Variants in LMF1 observed in about 807,000 individuals in gnomAD.
LMF1 encodes the protein transmembrane protein 112.
LMF1 carries 68 observed loss-of-function variants against 60.6 expected under a neutral mutation model. The observed-to-expected ratio is 1.12, with a 90% CI of 0.92 to 1.37. The LOEUF is 1.37. Among genes scored for constraint, LMF1 ranks in the 40% most tolerant of loss-of-function variants. LMF1 has a pLI of 0.00. For missense variants in LMF1, 948 were observed against 767.2 expected (o/e 1.24, Z -2.78); for synonymous variants, 418 against 324.7 (o/e 1.29, Z -3.09).
chr16:878,948 C>T lies in LMF1; in HGVS notation c.897+622G>A, dbSNP rs1414490567. 6.6e-6 allele frequency among the ~76,000 whole-genome samples: 1 copy of T among 152,194 alleles called. No homozygotes were observed. The highest frequency in any genetic ancestry group is 1.5e-5 in the Non-Finnish European group (1 of 68,032). ...ATTGACAGTCGGAATGTAGCGTTTA[C>T]AGGGAAAAGCAAAGGCTCGGGACTG... On this transcript the variant is annotated intron_variant, in intron 6 of 10. Coordinates refer to ENST00000262301, the MANE Select transcript of LMF1 (RefSeq NM_022773.4). This position sits in a 1 kb window ranked among gnomAD's most constrained non-coding sequence, Gnocchi z 5.2.
chr16:974,813 T>C (rs2073104883), upstream of LMF1, among the ~76,000 whole-genome samples: 1 of 152,232 alleles, frequency 6.6e-6, no homozygotes, highest in Non-Finnish European at 1.5e-5. Flanking sequence ...GTCCCTGGCA[T>C]GCGGTGGCAG....
upstream of LMF1, among the ~76,000 whole-genome samples, chr16:975,506 GTT>G (rs1242347703): frequency 4.6e-5 from 7 of 152,324 alleles, no homozygotes; most frequent in East Asian, 1.4e-3. Flanking sequence ...AGAGCCCACC[GTT>G]GTGTGTCGCC....
At chr16:957,033 G>A (rs764827315) in intron 1 of LMF1, among the ~76,000 whole-genome samples, 3 of 151,272 alleles carry the variant, frequency 2.0e-5, no homozygotes, top group African/African-American at 4.9e-5. Flanking sequence ...GGTGCACCCC[G>A]GTAGTCCCAC....
At chr16:967,691 G>T (rs924201688) in intron 1 of LMF1, among the ~76,000 whole-genome samples, 3 of 152,252 alleles carry the variant, frequency 2.0e-5, no homozygotes, top group Non-Finnish European at 2.9e-5. Context: ...GGTCCTCCCA[G>T]GAGCCGTCAC....
chr16:948,870 C>T (rs2072339502), intron 2 of LMF1, among the ~76,000 whole-genome samples: 1 of 79,250 alleles, frequency 1.3e-5, no homozygotes, highest in Non-Finnish European at 2.3e-5. Context: ...ACGACAGAGT[C>T]AGAGCCAATG....
chr16:914,583 TC>T (rs2071221743), intron 3 of LMF1, among the ~76,000 whole-genome samples: 1 of 964 alleles, frequency 1.0e-3, no homozygotes, highest in African/African-American at 3.3e-3. Flanking sequence ...TTCCCTCCCT[TC>T]CCATGACCAC....
chr16:943,314 T>C (rs1258402619), intron 2 of LMF1, among the ~76,000 whole-genome samples: 1 of 143,826 alleles, frequency 7.0e-6, no homozygotes, highest in African/African-American at 2.6e-5. Flanking sequence ...GAGCTTGCAG[T>C]GAGCCGAGAT....
intron 3 of LMF1, among the ~76,000 whole-genome samples, chr16:914,492 ACGCT>A (rs1190130712): frequency 6.8e-6 from 1 of 147,678 alleles, no homozygotes; most frequent in Non-Finnish European, 1.5e-5. Context: ...AAAACCAGAC[ACGCT>A]CCCTCCCTCC....
chr16:954,669 G>A lies in LMF1; in HGVS notation c.194-3C>T, dbSNP rs747388806. 15 of 1,580,682 alleles carry A rather than the reference G, an allele frequency of 9.5e-6. No individual in the cohort carries two copies. The highest frequency in any genetic ancestry group is 3.5e-5 in the South Asian group (3 of 86,442). On this transcript the variant is annotated splice_polypyrimidine_tract_variant and splice_region_variant and intron_variant, in intron 1 of 10. Transcript: ENST00000262301. ...GAAAGCCACCAGGAATGCCACGACTGGAAGAAAAAGAAGACAAAACAAGCA... is the reference window on the plus strand; with the variant it reads ...GAAAGCCACCAGGAATGCCACGACTAGAAGAAAAAGAAGACAAAACAAGCA...
intron 4 of LMF1, among the ~76,000 whole-genome samples, chr16:906,108 C>G (rs376843268): frequency 2.0e-5 from 3 of 152,224 alleles, no homozygotes; most frequent in African/African-American, 7.2e-5. Flanking sequence ...ACTTCCAGCA[C>G]CAACTGGTGC....
rs771058809 is a variant in LMF1 at position 874,819 on chromosome 16, C to T, written c.898-3478G>A. Among the ~76,000 whole-genome samples, 8 of 152,102 alleles carry T rather than the reference C, an allele frequency of 5.3e-5. No homozygotes were observed. The highest frequency in any genetic ancestry group is 2.6e-4 in the Admixed American group (4 of 15,302). ...CTCAGGGCACTCGGCTGTCACAGCG[C>T]GGCACAGGGGAGTACGCAGCCCCAG... On this transcript the variant is annotated intron_variant, in intron 6 of 10. Coordinates refer to ENST00000262301, the MANE Select transcript of LMF1 (RefSeq NM_022773.4). The surrounding 1 kb of genome is among the most constrained non-coding windows in gnomAD (Gnocchi z 4.1).
In LMF1 at chr16:935,567, G is replaced by A. The variant is rs1042117435; in HGVS notation, c.504-1313C>T. On this transcript the variant is annotated intron_variant, in intron 2 of 10. Coordinates refer to ENST00000262301, the MANE Select transcript of LMF1 (RefSeq NM_022773.4). ...TATACTAACACTAGTGACAGCTGAT[G>A]AGCTAAAAAAAAAAAAACTCATAAT... is the stretch of plus-strand genomic sequence containing the variant. 5.3e-4 allele frequency among the ~76,000 whole-genome samples: 44 copies of A among 83,604 alleles called. No homozygotes were observed. In the East Asian group the frequency reaches 0.013, roughly 25 times the overall value. The allele number at this position is 83,604 out of a possible 152,430, so 54.8% of individuals were successfully genotyped here.
At chr16:981,347 AGT>A (rs752216162), upstream of LMF1, 1,481 of 95,590 alleles carry the variant, frequency 0.015, 24 homozygotes, top group African/African-American at 0.019. Context: ...AGAGAGAGAG[AGT>A]GTGTGTGTGT....
chr16:981,083 C>G, intron 1 of LMF1: 2 of 339,544 alleles, frequency 5.9e-6, no homozygotes, highest in South Asian at 2.1e-5. Flanking sequence ...CGCTCGCACT[C>G]GTATGGGCAG....
intron 3 of LMF1, among the ~76,000 whole-genome samples, chr16:925,895 ATG>A (rs2071580486): frequency 6.6e-6 from 1 of 152,384 alleles, no homozygotes; most frequent in African/African-American, 2.4e-5. Context: ...GTGCATCTGC[ATG>A]TGTGTCTGTG....
At chr16:861,662 C>G (rs924765941) in intron 10 of LMF1, among the ~76,000 whole-genome samples, 4 of 152,092 alleles carry the variant, frequency 2.6e-5, no homozygotes, top group Non-Finnish European at 2.9e-5. Context: ...GGCCTCGCTT[C>G]ATAATTCTAG....
At chr16:954,830 A>C (rs1389091988) in intron 1 of LMF1, among the ~76,000 whole-genome samples, 164 bp from the exon 2 acceptor site, 1 of 152,260 alleles carries the variant, frequency 6.6e-6, no homozygotes, top group Non-Finnish European at 1.5e-5. Context: ...TACTTTCTCA[A>C]GATTTTGGGG....
In LMF1 at chr16:962,895, A is replaced by G. The variant is rs533615430; in HGVS notation, c.193+7893T>C. Among the ~76,000 whole-genome samples the G allele has an allele frequency of 1.3e-5, 2 of 152,304 alleles. No individual in the cohort carries two copies. Among genetic ancestry groups the G allele is most frequent in the East Asian group, 1.9e-4 (1 of 5,176 alleles). On this transcript the variant is annotated intron_variant, in intron 1 of 10. Transcript: ENST00000262301. The surrounding 1 kb of genome is among the most constrained non-coding windows in gnomAD (Gnocchi z 4.5). ...TCAGTGCCCGGCATGAAGCGCTGTG[A>G]GCAGCCTCCCTCCAAGGCAGTGGGA... is the stretch of plus-strand genomic sequence containing the variant.
intron 2 of LMF1, among the ~76,000 whole-genome samples, chr16:950,449 TCAGCCAAC>T (rs2072417811): frequency 1.4e-5 from 1 of 72,310 alleles, no homozygotes; most frequent in African/African-American, 7.3e-5. Flanking sequence ...AACGACAGAG[TCAGCCAAC>T]GACAGAGTCA....
Sources: gnomAD v4.1 joint callset for allele counts (sites outside exome capture counted in the v4.1 genomes callset) on GRCh38, gnomAD v4.1.1 for gene constraint, Gnocchi (gnomAD v3.1) non-coding constraint, MANE v1.5 for transcripts, NCBI Gene and HGNC (gene_info 2026-07-23, HGNC 2026-07-21) for gene names.